Variants in VPS35L observed in about 807,000 individuals in gnomAD.
The protein encoded by VPS35L is VPS35 endosomal protein sorting factor like.
In VPS35L, 83 loss-of-function variants were observed where a neutral mutation model predicts 133.0. The ratio of observed to expected loss-of-function variants is 0.62; its 90% CI spans 0.52 to 0.75. The LOEUF is 0.75. VPS35L is among the 30% of genes least tolerant of loss of function. VPS35L has a pLI of 0.00. For synonymous variants in VPS35L, 423 were observed against 449.9 expected, an observed-to-expected ratio of 0.94 and a Z score of 0.76; for missense variants, 1,083 against 1,206.8, an observed-to-expected ratio of 0.90 and a Z score of 1.52.
At chr16:19,688,125 C>T (rs1975527547) in intron 28 of VPS35L, among the ~76,000 whole-genome samples, 1 of 151,018 alleles carries the variant, frequency 6.6e-6, no homozygotes, top group Admixed American at 6.6e-5. Context: ...CAGGGTTTCA[C>T]CATGTTGCCT....
intron 8 of VPS35L, among the ~76,000 whole-genome samples, chr16:19,595,829 C>T (rs898510889): frequency 3.9e-5 from 6 of 152,176 alleles, no homozygotes; most frequent in Non-Finnish European, 7.3e-5. Flanking sequence ...TGACCTTGGA[C>T]AGACTGTTTA....
rs528346627 is a variant in VPS35L at position 19,604,023 on chromosome 16, C to T, written c.784+2300C>T. ...CTGGTATTACAGGCATGAGCCACCA[C>T]GCCCGGCCGAATCCATTTATTTAAT... On this transcript the variant is annotated intron_variant, in intron 9 of 30. Coordinates refer to ENST00000417362, the MANE Select transcript of VPS35L (RefSeq NM_020314.7). 1.9e-3 allele frequency among the ~76,000 whole-genome samples: 296 copies of T among 152,262 alleles called. 1 individual carries two copies. The highest frequency in any genetic ancestry group is 6.5e-3 in the African/African-American group (271 of 41,538).
At chr16:19,583,428 G>C (rs554638225) in intron 7 of VPS35L, among the ~76,000 whole-genome samples, 17 of 152,052 alleles carry the variant, frequency 1.1e-4, no homozygotes, top group African/African-American at 3.6e-4. Context: ...ATATTTATGG[G>C]GTACAGAGTG....
intron 18 of VPS35L, among the ~76,000 whole-genome samples, chr16:19,631,467 T>A (rs1340853113): frequency 6.6e-6 from 1 of 152,228 alleles, no homozygotes; most frequent in Non-Finnish European, 1.5e-5. Context: ...TAGGTAAATG[T>A]TGGTCCATTG....
At chr16:19,665,813 C>G (rs1974645341) in intron 26 of VPS35L, among the ~76,000 whole-genome samples, 1 of 152,112 alleles carries the variant, frequency 6.6e-6, no homozygotes, top group African/African-American at 2.4e-5. Flanking sequence ...GTGAGGGTTC[C>G]CCTTTTCTCC....
intron 12 of VPS35L, 141 bp from the exon 13 acceptor site, chr16:19,615,973 A>ATAATAATAATAATAG (rs1317116559): frequency 6.4e-6 from 2 of 314,918 alleles, no homozygotes; most frequent in African/African-American, 4.6e-5. Flanking sequence ...TCTCAAAATA[A>ATAATAATAATAATAG]TAATAATAAT....
intron 13 of VPS35L, 88 bp from the exon 14 acceptor site, chr16:19,616,598 A>G (rs1233996235): frequency 6.7e-7 from 1 of 1,489,578 alleles, no homozygotes; most frequent in Non-Finnish European, 9.1e-7. Context: ...ACATGCTTAC[A>G]AGTATGCACA....
chr16:19,585,244 T>G (rs1320094465), intron 7 of VPS35L, among the ~76,000 whole-genome samples: 2 of 152,186 alleles, frequency 1.3e-5, no homozygotes, highest in Non-Finnish European at 2.9e-5. Context: ...AGGTAAAATT[T>G]TAGGAATGGA....
chr16:19,574,023 A>G (rs1316369456), intron 4 of VPS35L, among the ~76,000 whole-genome samples: 1 of 152,126 alleles, frequency 6.6e-6, no homozygotes, highest in African/African-American at 2.4e-5. Context: ...TTCACTTGGC[A>G]AATTGCTGTG....
At chr16:19,649,561 CAACA>C (rs1202920738) in intron 24 of VPS35L, among the ~76,000 whole-genome samples, 2 of 152,190 alleles carry the variant, frequency 1.3e-5, no homozygotes, top group Non-Finnish European at 2.9e-5. Flanking sequence ...TTACAACGTG[CAACA>C]AACAAGTATT....
At chr16:19,685,648 A>G (rs1975431108) in intron 28 of VPS35L, among the ~76,000 whole-genome samples, 1 of 152,208 alleles carries the variant, frequency 6.6e-6, no homozygotes, top group Admixed American at 6.5e-5. Flanking sequence ...CCCACCAGGC[A>G]CGAATGAGGC....
At chr16:19,674,260 C>T (rs565940553) in intron 27 of VPS35L, among the ~76,000 whole-genome samples, 2 of 133,644 alleles carry the variant, frequency 1.5e-5, no homozygotes, top group East Asian at 4.7e-4. Flanking sequence ...TGCGCGATCT[C>T]GGCTCACTGC....
At chr16:19,656,664 A>T (rs1413052918) in intron 26 of VPS35L, among the ~76,000 whole-genome samples, 1 of 151,984 alleles carries the variant, frequency 6.6e-6, no homozygotes, top group African/African-American at 2.4e-5. Context: ...GCCTTAGAGC[A>T]CTTGGCCCAC....
At chr16:19,632,172 A>G (rs1163943587) in intron 18 of VPS35L, among the ~76,000 whole-genome samples, 1 of 152,072 alleles carries the variant, frequency 6.6e-6, no homozygotes, top group Non-Finnish European at 1.5e-5. Context: ...CATGTTGGCC[A>G]GGCTGGTCTC....
intron 6 of VPS35L, among the ~76,000 whole-genome samples, chr16:19,580,773 C>G (rs910325528): frequency 1.3e-5 from 2 of 152,176 alleles, no homozygotes; most frequent in African/African-American, 4.8e-5. Context: ...CTCCAGGAAG[C>G]CATTCCTGAT....
chr16:19,643,310 T>A (rs1278470048), intron 22 of VPS35L, among the ~76,000 whole-genome samples: 1 of 152,082 alleles, frequency 6.6e-6, no homozygotes, highest in East Asian at 1.9e-4. Flanking sequence ...AGACATTGGG[T>A]TTTGGCTTAA....
chr16:19,675,568 GTTTTGTTTTT>G (rs1383091988), intron 27 of VPS35L, among the ~76,000 whole-genome samples: 1 of 151,704 alleles, frequency 6.6e-6, no homozygotes, highest in Non-Finnish European at 1.5e-5. Context: ...GTTTTGTTTT[GTTTTGTTTTT>G]GAGACAGGTC....
At chr16:19,658,118 C>T (rs1200947142) in intron 26 of VPS35L, among the ~76,000 whole-genome samples, 1 of 152,176 alleles carries the variant, frequency 6.6e-6, no homozygotes, top group Non-Finnish European at 1.5e-5. Flanking sequence ...CCCTCAGACC[C>T]TTATAATAGT....
Position 19,628,755 on chromosome 16 carries a change from T to C in VPS35L, c.1500+2T>C, listed in dbSNP as rs781577468. ...ATCACTAAGCTGAAGAACCCACAGG[T>C]GAGTGGCCATTTTATTTTTATTTTT... is the stretch of plus-strand genomic sequence containing the variant. On this transcript the variant is annotated splice_donor_variant, in intron 17 of 30. Coordinates refer to ENST00000417362, the MANE Select transcript of VPS35L (RefSeq NM_020314.7). LOFTEE classifies it high-confidence loss of function. 2 of 1,253,000 alleles carry C rather than the reference T, an allele frequency of 1.6e-6. No individual in the cohort carries two copies. The highest frequency in any genetic ancestry group is 3.1e-5 in the African/African-American group (2 of 63,590). The allele number at this position is 1,253,000 out of a possible 1,614,324, so 77.6% of individuals were successfully genotyped here. A position where few individuals can be genotyped will look rare whatever the true frequency, so the allele number is the denominator to read the frequency against.
Sources: gnomAD v4.1 joint callset for allele counts (sites outside exome capture counted in the v4.1 genomes callset) on GRCh38, gnomAD v4.1.1 for gene constraint, MANE v1.5 for transcripts, NCBI Gene and HGNC (gene_info 2026-07-23, HGNC 2026-07-21) for gene names.